The following UBE2L3 variants were observed in gnomAD, a reference collection of about 807,000 sequenced individuals.
UBE2L3 encodes ubiquitin-conjugating enzyme E2 L3.
Under a neutral mutation model 17.8 loss-of-function variants are expected in UBE2L3, and 1 was observed. That is an observed-to-expected ratio of 0.06 (90% CI 0.02 to 0.27). UBE2L3 has a LOEUF of 0.27. Ranked by LOEUF, UBE2L3 falls within the 10% of genes least tolerant of loss-of-function variation. The pLI is 1.00. For synonymous variants in UBE2L3, 44 were observed against 68.5 expected, an observed-to-expected ratio of 0.64 and a Z score of 1.76; for missense variants, 40 against 192.6, an observed-to-expected ratio of 0.21 and a Z score of 4.69.
intron 3 of UBE2L3, among the ~76,000 whole-genome samples, chr22:21,618,652 A>G (rs1172420664): frequency 6.6e-6 from 1 of 151,990 alleles, no homozygotes; most frequent in Admixed American, 6.6e-5. Flanking sequence ...TAGTGGCACA[A>G]TCACAGCTCA....
intron 3 of UBE2L3, among the ~76,000 whole-genome samples, chr22:21,620,774 C>A (rs1353615184): frequency 1.3e-5 from 2 of 152,150 alleles, no homozygotes; most frequent in African/African-American, 4.8e-5. Context: ...TAAGGGTCTT[C>A]CAGAGTTGGG....
rs182195467 is a variant in UBE2L3 at position 21,606,754 on chromosome 22, T to C, written c.124-4103T>C. Among the ~76,000 whole-genome samples the C allele has an allele frequency of 6.3e-4, 96 of 152,088 alleles. 1 individual carries two copies. The highest frequency in any genetic ancestry group is 1.4e-3 in the Admixed American group (22 of 15,266). Reference sequence around the variant, plus strand: ...GTCCCAGCTACTTGGGAGGCTGAGGTGGGAGGATTGCTAGAGCCCGGGAAG... The same window carrying C: ...GTCCCAGCTACTTGGGAGGCTGAGGCGGGAGGATTGCTAGAGCCCGGGAAG... On this transcript the variant is annotated intron_variant, in intron 2 of 3. Coordinates refer to ENST00000342192, the MANE Select transcript of UBE2L3 (RefSeq NM_003347.4).
At chr22:21,597,242 A>G (rs955474849) in intron 2 of UBE2L3, among the ~76,000 whole-genome samples, 3 of 152,172 alleles carry the variant, frequency 2.0e-5, no homozygotes, top group African/African-American at 7.2e-5. Context: ...AGCCTACCAA[A>G]GTGCTGGGAT....
At position 21,582,946 on chromosome 22, in the gene UBE2L3, C is replaced by G. The variant is rs573470236; in HGVS notation, c.28-9915C>G. 1.8e-3 allele frequency among the ~76,000 whole-genome samples: 280 copies of G among 152,266 alleles called. 2 individuals carry two copies. Among genetic ancestry groups the G allele is most frequent in the African/African-American group, 5.5e-3 (227 of 41,558 alleles). On this transcript the variant is annotated intron_variant, in intron 1 of 3. Transcript: ENST00000342192. ...TGCAATAAGCAGGTCCTAGATGGCG[C>G]CTAGGCACAGTCAGCTCTCCTTCCT...
chr22:21,579,297 T>A (rs868823245), intron 1 of UBE2L3, among the ~76,000 whole-genome samples: 1 of 151,610 alleles, frequency 6.6e-6, no homozygotes, highest in Non-Finnish European at 1.5e-5. Flanking sequence ...CAGCCCCAGG[T>A]GTAATTAGTT....
At chr22:21,583,394 G>A (rs1354177552) in intron 1 of UBE2L3, among the ~76,000 whole-genome samples, 1 of 152,172 alleles carries the variant, frequency 6.6e-6, no homozygotes, top group Non-Finnish European at 1.5e-5. Context: ...CTTTCCTTTA[G>A]GGATACTACA....
chr22:21,567,676 A>T, upstream of UBE2L3: 2 of 1,552,572 alleles, frequency 1.3e-6, no homozygotes, highest in Non-Finnish European at 1.7e-6. Context: ...CCGCTCCAGG[A>T]AGTGCGGGGG....
At chr22:21,621,096 A>G (rs1277376089) in intron 3 of UBE2L3, among the ~76,000 whole-genome samples, 1 of 152,022 alleles carries the variant, frequency 6.6e-6, no homozygotes, top group Non-Finnish European at 1.5e-5. Flanking sequence ...TCAACCCAGG[A>G]GGTTGAGGCT....
At position 21,575,631 on chromosome 22, in the gene UBE2L3, C is replaced by CTTTTTTTTTTT. The variant is rs533923826; in HGVS notation, c.27+7878_27+7888dup. Among the ~76,000 whole-genome samples, 3 of 73,394 alleles carry CTTTTTTTTTTT rather than the reference C, an allele frequency of 4.1e-5. 1 individual carries two copies. Among genetic ancestry groups the CTTTTTTTTTTT allele is most frequent in the African/African-American group, 1.7e-4 (3 of 17,330 alleles). 48.1% of individuals were successfully genotyped at this position (73,394 alleles called of 152,430 possible). ...TACTTTTCCCAACAAAGTTGAATAGCTTTTTTTTTTTTTTTTTTTTTTTTT... is the reference window on the plus strand; with the variant it reads ...TACTTTTCCCAACAAAGTTGAATAGCTTTTTTTTTTTTTTTTTTTTTTTTTTTTTTTTTTTT... On this transcript the variant is annotated intron_variant, in intron 1 of 3. Coordinates refer to ENST00000342192, the MANE Select transcript of UBE2L3 (RefSeq NM_003347.4).
intron 2 of UBE2L3, among the ~76,000 whole-genome samples, chr22:21,599,757 C>A (rs1928755916): frequency 6.6e-6 from 1 of 152,128 alleles, no homozygotes; most frequent in South Asian, 2.1e-4. Flanking sequence ...CTGACGGCAT[C>A]CTGGGGAATG....
intron 3 of UBE2L3, among the ~76,000 whole-genome samples, chr22:21,612,643 C>CTTTTCTTTTTT (rs1929552765): frequency 3.0e-4 from 16 of 52,480 alleles, no homozygotes; most frequent in Non-Finnish European, 3.0e-4. Flanking sequence ...CTTTTCTTTT[C>CTTTTCTTTTTT]TTTTTTTTTT....
chr22:21,572,661 ACACACACTG>A (rs1242081320), intron 1 of UBE2L3, among the ~76,000 whole-genome samples: 2 of 151,802 alleles, frequency 1.3e-5, no homozygotes, highest in Non-Finnish European at 2.9e-5. Context: ...TTCACACTGC[ACACACACTG>A]CACACACTGT....
chr22:21,567,803 T>C, intron 1 of UBE2L3, 32 bp downstream of exon 1: 1 of 1,570,366 alleles, frequency 6.4e-7, no homozygotes, highest in South Asian at 1.2e-5. Flanking sequence ...CGGCCGGGCG[T>C]GGGGCGGCGT....
intron 1 of UBE2L3, among the ~76,000 whole-genome samples, chr22:21,558,492 G>A (rs1484077751): frequency 6.6e-6 from 1 of 152,190 alleles, no homozygotes; most frequent in East Asian, 1.9e-4. Context: ...ATAGCCAGGT[G>A]TGGTGGCGGG....
At chr22:21,599,751 C>T (rs544314520) in intron 2 of UBE2L3, among the ~76,000 whole-genome samples, 13 of 152,180 alleles carry the variant, frequency 8.5e-5, no homozygotes, top group East Asian at 3.9e-4. Context: ...AGAGGCCTGA[C>T]GGCATCCTGG....
At chr22:21,615,876 A>G (rs1291357344) in intron 3 of UBE2L3, among the ~76,000 whole-genome samples, 1 of 152,132 alleles carries the variant, frequency 6.6e-6, no homozygotes, top group Non-Finnish European at 1.5e-5. Flanking sequence ...TCTAATGCCA[A>G]ACTTCTTGGA....
rs575236238 is a variant in UBE2L3 at position 21,558,386 on chromosome 22, A to T, written c.201+8736A>T. ...AGTGGCTTACGCCTGTAATCCCAGCACTTTGGGAGGCCGAGGCAGGCGGAT... is the reference window on the plus strand; with the variant it reads ...AGTGGCTTACGCCTGTAATCCCAGCTCTTTGGGAGGCCGAGGCAGGCGGAT... On this transcript the variant is annotated intron_variant, in intron 1 of 3. Coordinates refer to the UBE2L3 transcript ENST00000458578. 5.2e-5 allele frequency among the ~76,000 whole-genome samples: 8 copies of T among 152,388 alleles called. 1 individual carries two copies. The South Asian group carries it at 1.7e-3, about 32-fold the overall frequency.
intron 2 of UBE2L3, among the ~76,000 whole-genome samples, chr22:21,609,815 C>T (rs772802945): frequency 6.6e-6 from 1 of 152,120 alleles, no homozygotes; most frequent in African/African-American, 2.4e-5. Flanking sequence ...CACTTGAGGT[C>T]AGGAGTTCAA....
chr22:21,555,528 G>A (rs1568963707), intron 1 of UBE2L3: 1 of 155,636 alleles, frequency 6.4e-6, no homozygotes. Flanking sequence ...GGGAGGCTGA[G>A]GCAGGAGAAT....
Sources: gnomAD v4.1 joint callset for allele counts (sites outside exome capture counted in the v4.1 genomes callset) on GRCh38, gnomAD v4.1.1 for gene constraint, MANE v1.5 for transcripts, NCBI Gene and HGNC (gene_info 2026-07-23, HGNC 2026-07-21) for gene names.